DOP1B: variants seen among roughly 807,000 people sequenced by gnomAD.
DOP1B encodes the protein protein DOP1B.
A neutral mutation model predicts 233.5 loss-of-function variants in DOP1B; 174 were observed. The ratio of observed to expected loss-of-function variants is 0.75; its 90% CI spans 0.66 to 0.85. DOP1B has a LOEUF of 0.85. Ranked by LOEUF, DOP1B falls within the 40% of genes least tolerant of loss-of-function variation. The pLI is 0.00. For synonymous variants in DOP1B, 1,190 were observed against 1,185.6 expected (o/e 1.00, Z -0.08); for missense variants, 2,652 against 2,846.6 (o/e 0.93, Z 1.56).
At chr21:36,291,998 C>T in intron 35 of DOP1B, 106 bp from the exon 36 acceptor site, 1 of 1,285,872 alleles carries the variant, frequency 7.8e-7, no homozygotes, top group Non-Finnish European at 1.1e-6. Context: ...ATTGAGTTGT[C>T]CATATTAAAT....
chr21:36,269,990 C>T (rs760471678), intron 26 of DOP1B, 23 bp from the exon 27 acceptor site: 2 of 1,612,728 alleles, frequency 1.2e-6, no homozygotes, highest in African/African-American at 1.3e-5. Context: ...ACTTCCTTTC[C>T]CCCTCCTCCT....
At chr21:36,189,217 C>A (rs1443965868) in intron 2 of DOP1B, among the ~76,000 whole-genome samples, 5 of 151,040 alleles carry the variant, frequency 3.3e-5, no homozygotes, top group African/African-American at 1.2e-4. Flanking sequence ...TAGTTTGAAT[C>A]TTTTTTTTTC....
chr21:36,254,452 A>C (rs2067068937), intron 23 of DOP1B, among the ~76,000 whole-genome samples: 1 of 152,082 alleles, frequency 6.6e-6, no homozygotes, highest in African/African-American at 2.4e-5. Flanking sequence ...AGAAAATTAC[A>C]AAAGAGCAGG....
At chr21:36,239,997 G>A in intron 18 of DOP1B, 42 bp downstream of exon 18, 1 of 1,567,536 alleles carries the variant, frequency 6.4e-7, no homozygotes, top group Non-Finnish European at 8.6e-7. Flanking sequence ...GGAGGAATGG[G>A]TGGGGGGACT....
chr21:36,248,964 G>T (rs2067001585), intron 21 of DOP1B, among the ~76,000 whole-genome samples: 1 of 151,704 alleles, frequency 6.6e-6, no homozygotes, highest in Non-Finnish European at 1.5e-5. Flanking sequence ...AATTAGCCAG[G>T]TGTGGTAGCA....
chr21:36,289,257 T>A (rs775908703), intron 35 of DOP1B, 51 bp downstream of exon 35: 1 of 1,581,084 alleles, frequency 6.3e-7, no homozygotes, highest in African/African-American at 1.4e-5. Flanking sequence ...ATTTTGTTTT[T>A]TCCTTTTAAG....
chr21:36,174,045 C>T (rs12482407), intron 2 of DOP1B, among the ~76,000 whole-genome samples: 10,416 of 152,198 alleles, frequency 0.068, 1,178 homozygotes, highest in African/African-American at 0.23. Context: ...CAGTTAGCTA[C>T]AAGCACCTCC....
intron 21 of DOP1B, 114 bp from the exon 22 acceptor site, chr21:36,251,048 G>A (rs2067026810): frequency 7.1e-6 from 10 of 1,401,530 alleles, no homozygotes; most frequent in Non-Finnish European, 9.5e-6. Context: ...ACAACATTGG[G>A]CACAAACATG....
chr21:36,214,657 A>T, intron 9 of DOP1B, 101 bp downstream of exon 9: 2 of 1,022,762 alleles, frequency 2.0e-6, no homozygotes, highest in Non-Finnish European at 1.4e-6. Flanking sequence ...TATTTTGAAT[A>T]TAATTTAATA....
At chr21:36,293,261 C>T in intron 36 of DOP1B, 59 bp from the exon 37 acceptor site, 2 of 1,567,674 alleles carry the variant, frequency 1.3e-6, no homozygotes, top group Non-Finnish European at 1.7e-6. Context: ...ATGTGCTTCC[C>T]AGCCATCTCG....
rs751916782 is a variant in DOP1B, at chr21:36,280,345, G to A, written c.6030G>A (p.Met2010Ile). 58 of 1,602,254 alleles carry A rather than the reference G, an allele frequency of 3.6e-5. No homozygotes were observed. The East Asian group carries it at 1.3e-3, about 35-fold the overall frequency. Reference sequence around the variant, plus strand: ...AGAAAACAATGTTTAAGGATTTAATGAGTAAGTTCTGTGTTACTTTTGCAT... The same window carrying A: ...AGAAAACAATGTTTAAGGATTTAATAAGTAAGTTCTGTGTTACTTTTGCAT... ...THEKTMFKDL[M>I]NMQSSSLKLF... is the part of the protein sequence containing the mutation. Residue 2010 changes from methionine to isoleucine, a missense_variant and splice_region_variant, in exon 31 of 37, where the codon ATG becomes ATA. This residue lies in a region of DOP1B where 2,617 missense variants were observed against 2,794.3 expected (regional missense o/e 0.94). Transcript: ENST00000691173.
At chr21:36,218,003 C>T (rs1441110535) in intron 9 of DOP1B, among the ~76,000 whole-genome samples, 1 of 152,164 alleles carries the variant, frequency 6.6e-6, no homozygotes, top group African/African-American at 2.4e-5. Flanking sequence ...CCAATCATAA[C>T]AGTCACTTAA....
chr21:36,227,652 C>T, intron 12 of DOP1B, 34 bp from the exon 13 acceptor site: 2 of 1,450,018 alleles, frequency 1.4e-6, no homozygotes. Context: ...TGTGAACCAA[C>T]ATTGTGGGGT....
chr21:36,267,410 A>C (rs544034233), intron 26 of DOP1B, among the ~76,000 whole-genome samples: 7 of 152,164 alleles, frequency 4.6e-5, no homozygotes, highest in African/African-American at 1.7e-4. Flanking sequence ...TGTTCTCTGT[A>C]TATTTTACCT....
chr21:36,167,369 T>G (rs776247788), intron 2 of DOP1B, among the ~76,000 whole-genome samples: 3 of 152,112 alleles, frequency 2.0e-5, no homozygotes, highest in Non-Finnish European at 4.4e-5. Flanking sequence ...GAGATGGGGT[T>G]TCACCATGTT....
At chr21:36,231,198 G>A (rs1250308485) in intron 14 of DOP1B, 64 bp downstream of exon 14, 15 of 1,512,340 alleles carry the variant, frequency 9.9e-6, no homozygotes, top group African/African-American at 2.8e-5. Context: ...TGACGTGGGT[G>A]GAATATCCCC....
At chr21:36,236,771 C>A (rs558861173) in intron 15 of DOP1B, among the ~76,000 whole-genome samples, 2 of 116,378 alleles carry the variant, frequency 1.7e-5, no homozygotes, top group African/African-American at 5.9e-5. Flanking sequence ...TTTTCTTTTT[C>A]TTTTTCTTTT....
Position 36,167,929 on chromosome 21 carries a change from C to CTTTTTTTTTTTTTTT in DOP1B, c.138+3062_138+3063insTTTTTTTTTTTTTTT, listed in dbSNP as rs1568996068. ...GGTAAGTCACATTTTCTTTTCTTTT[C>CTTTTTTTTTTTTTTT]TTTTCTTTTTCTTTTTTTTTTTTTT... is the stretch of plus-strand genomic sequence containing the variant. On this transcript the variant is annotated intron_variant, in intron 2 of 36. Coordinates refer to ENST00000691173, the MANE Select transcript of DOP1B (RefSeq NM_001320714.2). Among the ~76,000 whole-genome samples the CTTTTTTTTTTTTTTT allele has an allele frequency of 1.7e-4, 17 of 97,316 alleles. 1 individual carries two copies. Among genetic ancestry groups the CTTTTTTTTTTTTTTT allele is most frequent in the African/African-American group, 4.2e-4 (11 of 26,038 alleles). The allele number at this position is 97,316 out of a possible 152,430, so 63.8% of individuals were successfully genotyped here. A position where few individuals can be genotyped will look rare whatever the true frequency, so the allele number is the denominator to read the frequency against.
At chr21:36,249,670 T>C (rs2067010970) in intron 21 of DOP1B, among the ~76,000 whole-genome samples, 1 of 152,112 alleles carries the variant, frequency 6.6e-6, no homozygotes, top group South Asian at 2.1e-4. Flanking sequence ...TGGTTTTCAG[T>C]GTCTGCCTCA....
Sources: allele counts gnomAD v4.1 joint callset (sites outside exome capture counted in the v4.1 genomes callset), GRCh38; gene constraint gnomAD v4.1.1; regional missense constraint gnomAD v4.1.1; transcripts MANE v1.5; gene names NCBI Gene and HGNC (gene_info 2026-07-23, HGNC 2026-07-21).